The following SNTA1 variants were observed in gnomAD, a reference collection of about 807,000 sequenced individuals.
SNTA1 encodes the protein syntrophin alpha 1.
Under a neutral mutation model 47.1 loss-of-function variants are expected in SNTA1, and 31 were observed. That is an observed-to-expected ratio of 0.66 (90% CI 0.49 to 0.89). The LOEUF (loss-of-function observed/expected upper bound fraction) is 0.89. Among genes scored for constraint, SNTA1 ranks in the 40% least tolerant of loss-of-function variants. The probability of loss-of-function intolerance (pLI) is 0.00; values close to 1 mark genes in which losing one functional copy is unlikely to be tolerated. For missense variants in SNTA1, 575 were observed against 693.0 expected, an observed-to-expected ratio of 0.83 and a Z score of 1.91; for synonymous variants, 300 against 313.6, an observed-to-expected ratio of 0.96 and a Z score of 0.46.
chr20:33,414,245 C>CA (rs56186098), intron 3 of SNTA1, among the ~76,000 whole-genome samples: 959 of 29,230 alleles, frequency 0.033, 58 homozygotes, highest in Non-Finnish European at 0.047. Flanking sequence ...TCTCAAAAAC[C>CA]AAAAAAAAAA....
At chr20:33,424,042 C>T (rs1180688124) in intron 2 of SNTA1, among the ~76,000 whole-genome samples, 3 of 152,118 alleles carry the variant, frequency 2.0e-5, no homozygotes, top group Admixed American at 6.6e-5. Context: ...CGGCCGGGCG[C>T]GGTGGCTCAC....
intron 3 of SNTA1, among the ~76,000 whole-genome samples, chr20:33,416,502 C>G (rs1319107659): frequency 6.6e-6 from 1 of 152,142 alleles, no homozygotes; most frequent in Non-Finnish European, 1.5e-5. Flanking sequence ...CCTCTCTGTC[C>G]TCATCTATAA....
chr20:33,412,410 G>A lies in SNTA1; in HGVS notation c.926C>T (p.Thr309Ile), dbSNP rs200709948. The A allele has an allele frequency of 1.3e-5, 21 of 1,610,504 alleles. No individual in the cohort carries two copies. The East Asian group carries it at 4.5e-4, about 34-fold the overall frequency. ...AGTTAGCAGGGCCAGGGTGGGGGCT[G>A]TGCCCCCACTGGGCAGCTGCAGAGA... ...WLTEQLPSGG[T>I]APTLALLTEK... The change falls in exon 5 of 8, where the codon ACA (threonine) becomes ATA (isoleucine). Residue 309 changes from threonine to isoleucine, a missense_variant. By Grantham distance (89) the Thr-to-Ile change is moderately conservative (BLOSUM62 -1). Coordinates refer to ENST00000217381, the MANE Select transcript of SNTA1 (RefSeq NM_003098.3).
At chr20:33,426,235 G>A (rs922522060) in intron 2 of SNTA1, among the ~76,000 whole-genome samples, 17 of 151,674 alleles carry the variant, frequency 1.1e-4, no homozygotes, top group African/African-American at 3.9e-4. Context: ...GATCACCTGA[G>A]GGCAGGAGTT....
At chr20:33,431,301 G>A (rs1002721175) in intron 2 of SNTA1, among the ~76,000 whole-genome samples, 4 of 152,052 alleles carry the variant, frequency 2.6e-5, no homozygotes, top group Admixed American at 2.6e-4. Context: ...ATATATATGA[G>A]TTTTGGCATC....
At chr20:33,418,792 C>CAAAAAA (rs760390793) in intron 2 of SNTA1, among the ~76,000 whole-genome samples, 1 of 57,450 alleles carries the variant, frequency 1.7e-5, no homozygotes, top group African/African-American at 9.6e-5. Flanking sequence ...GACTCTGTCT[C>CAAAAAA]AAAAAAAAAA....
chr20:33,427,398 C>T (rs1466939117), intron 2 of SNTA1, among the ~76,000 whole-genome samples: 4 of 152,124 alleles, frequency 2.6e-5, no homozygotes, highest in African/African-American at 2.4e-5. Context: ...CCCATCCACC[C>T]AGGATGGTGT....
intron 1 of SNTA1, among the ~76,000 whole-genome samples, chr20:33,441,209 G>C (rs1306808314): frequency 6.6e-6 from 1 of 152,156 alleles, no homozygotes; most frequent in Non-Finnish European, 1.5e-5. Flanking sequence ...TTTCCTATTA[G>C]GGAAACTGAA....
chr20:33,429,218 T>A (rs890156678), intron 2 of SNTA1, among the ~76,000 whole-genome samples: 30 of 150,936 alleles, frequency 2.0e-4, no homozygotes, highest in Admixed American at 1.9e-3. Flanking sequence ...ATGCCTGTGA[T>A]CCCAGCTACT....
chr20:33,434,587 T>C (rs1189613798), intron 2 of SNTA1, among the ~76,000 whole-genome samples: 4 of 152,186 alleles, frequency 2.6e-5, no homozygotes, highest in Non-Finnish European at 5.9e-5. Context: ...CTACTGCATC[T>C]GTAGTAGACA....
chr20:33,436,955 C>T (rs1990455004), intron 2 of SNTA1, among the ~76,000 whole-genome samples: 1 of 124,974 alleles, frequency 8.0e-6, no homozygotes, highest in South Asian at 2.7e-4. Flanking sequence ...CAGAGTAAGA[C>T]TCCATCTCAA....
At position 33,443,611 on chromosome 20, in the gene SNTA1, C is replaced by A. The variant is rs1160832849; in HGVS notation, c.10G>T (p.Gly4Cys). 9.0e-6 allele frequency: 11 copies of A among 1,226,166 alleles called. No homozygotes were observed. Among genetic ancestry groups the A allele is most frequent in the Non-Finnish European group, 1.0e-5 (10 of 982,976 alleles). The allele number at this position is 1,226,166 out of a possible 1,614,324, so 76.0% of individuals were successfully genotyped here. A position where few individuals can be genotyped will look rare whatever the true frequency, so the allele number is the denominator to read the frequency against. ...AGCCCGGTGCGCGGGGCGCGCCTGC[C>A]GGACGCCATCTTCGCCTCCGAGCCC... MAS[G>C]RRAPRTGLLE... The change falls in exon 1 of 8, where the codon GGC becomes TGC. Residue 4 changes from glycine (G) to cysteine (C), a missense_variant. By Grantham distance (159) the Gly-to-Cys change is radical. Transcript: ENST00000217381.
rs755263941 is a variant in SNTA1, at chr20:33,438,969, G to C, written c.368C>G (p.Ala123Gly). The change falls in exon 2 of 8, where the codon GCT (alanine) becomes GGT (glycine). Residue 123 changes from alanine to glycine, a missense_variant. Ala to Gly is a moderately conservative substitution (Grantham distance 60). Transcript: ENST00000217381. ...LISKIFKGLA[A>G]DQTEALFVGD... The stretch of plus-strand genomic sequence containing the variant: ...CACAAAAAGGGCCTCTGTCTGGTCA[G>C]CTGCCAATCCCTTGAAGATCTTGGA... The C allele has an allele frequency of 2.5e-6, 4 of 1,614,046 alleles. No homozygotes were observed. Among genetic ancestry groups the C allele is most frequent in the Non-Finnish European group, 3.4e-6 (4 of 1,180,024 alleles).
intron 3 of SNTA1, among the ~76,000 whole-genome samples, chr20:33,414,836 T>C (rs1485518324): frequency 6.6e-6 from 1 of 152,210 alleles, no homozygotes; most frequent in Non-Finnish European, 1.5e-5. Flanking sequence ...ATGGCATCCT[T>C]GAGCATCTAC....
At chr20:33,427,889 T>C (rs977627377) in intron 2 of SNTA1, among the ~76,000 whole-genome samples, 2 of 152,074 alleles carry the variant, frequency 1.3e-5, no homozygotes, top group Admixed American at 6.6e-5. Flanking sequence ...AAATATATGT[T>C]ACATGAATAA....
Position 33,443,450 on chromosome 20 carries a change from C to A in SNTA1, c.171G>T (p.Arg57=). ...CGTTGAGCTGCGCGGGCTCCTGCTC[C>A]CGCGGAGCGCCGGGCTCGGGACCAG... ...GDPGPEPGAP[R]EQEPAQLNGA... Residue 57 remains arginine, a synonymous_variant, in exon 1 of 8, where the codon CGG becomes CGT. Transcript: ENST00000217381. 7.3e-7 allele frequency: 1 copy of A among 1,362,486 alleles called. No individual in the cohort carries two copies. Among genetic ancestry groups the A allele is most frequent in the Admixed American group, 2.9e-5 (1 of 34,282 alleles). The allele number at this position is 1,362,486 out of a possible 1,614,324, so 84.4% of individuals were successfully genotyped here. A position where few individuals can be genotyped will look rare whatever the true frequency, so the allele number is the denominator to read the frequency against.
intron 2 of SNTA1, among the ~76,000 whole-genome samples, chr20:33,424,966 AT>A (rs1990130271): frequency 6.6e-6 from 1 of 151,964 alleles, no homozygotes; most frequent in African/African-American, 2.4e-5. Context: ...ACTACAACAA[AT>A]TAGCCAGAAG....
At position 33,408,901 on chromosome 20, in the gene SNTA1, C is replaced by G. The variant is rs748801869; in HGVS notation, c.1238-13G>C. The G allele has an allele frequency of 4.3e-6, 7 of 1,612,494 alleles. No homozygotes were observed. The Admixed American group carries it at 1.2e-4, about 27-fold the overall frequency. On this transcript the variant is annotated splice_polypyrimidine_tract_variant and intron_variant, in intron 6 of 7. Coordinates refer to ENST00000217381, the MANE Select transcript of SNTA1 (RefSeq NM_003098.3). ...TTCCACGTGCAGGCTGCAGGGAGGG[C>G]ACATAGGTACAGGCACAGCTGGCAC...
rs768431530 is a variant in SNTA1, at chr20:33,412,351, C to T, written c.985G>A (p.Glu329Lys). The T allele has an allele frequency of 1.9e-6, 3 of 1,611,560 alleles. No individual in the cohort carries two copies. Among genetic ancestry groups the T allele is most frequent in the East Asian group, 2.2e-5 (1 of 44,822 alleles). ...GGCCGGCTCAGGGCCTCGCGGGTCT[C>T]GGGGAGAGACAAGTAGAGGAGCAGT... ...KELLLYLSLP[E>K]TREALSRPAR... The change falls in exon 5 of 8, where the codon GAG (glutamate) becomes AAG (lysine). Residue 329 changes from glutamate (E) to lysine (K), a missense_variant. By Grantham distance (56) the Glu-to-Lys change is moderately conservative. Coordinates refer to ENST00000217381, the MANE Select transcript of SNTA1 (RefSeq NM_003098.3).
Sources: gnomAD v4.1 joint callset for allele counts (sites outside exome capture counted in the v4.1 genomes callset) on GRCh38, gnomAD v4.1.1 for gene constraint, MANE v1.5 for transcripts, NCBI Gene and HGNC (gene_info 2026-07-23, HGNC 2026-07-21) for gene names.